The following SKIC2 variants were observed in gnomAD, a reference collection of about 807,000 sequenced individuals.
The protein encoded by SKIC2 is SKI2 subunit of superkiller complex, also known as superkiller complex protein 2.
At chr6:31,968,265 T>C in the SKIC2 span, 1 of 1,498,276 alleles carries the variant, frequency 6.7e-7, no homozygotes, top group Non-Finnish European at 9.2e-7. This position sits in a 1 kb window ranked among gnomAD's most constrained non-coding sequence, Gnocchi z 6.1. Flanking sequence ...TTCCACAGCC[T>C]GAGGGAGGCT....
chr6:31,962,087 C>T, the SKIC2 span: 1 of 1,608,250 alleles, frequency 6.2e-7, no homozygotes, highest in African/African-American at 1.3e-5. The surrounding 1 kb of genome is among the most constrained non-coding windows in gnomAD (Gnocchi z 5.0). Context: ...CCCCCTTCAC[C>T]AGCCAGCCCC....
At chr6:31,965,615 G>A in the SKIC2 span, among the ~76,000 whole-genome samples, 1 of 152,006 alleles carries the variant, frequency 6.6e-6, no homozygotes, top group African/African-American at 2.4e-5. The surrounding 1 kb of genome is among the most constrained non-coding windows in gnomAD (Gnocchi z 5.6). Flanking sequence ...GTAAAATGAG[G>A]AAAACAATAA....
At chr6:31,964,062 G>T in the SKIC2 span, 1 of 1,612,646 alleles carries the variant, frequency 6.2e-7, no homozygotes, top group Non-Finnish European at 8.5e-7. This position sits in a 1 kb window ranked among gnomAD's most constrained non-coding sequence, Gnocchi z 5.0. Flanking sequence ...AGAAGAGCGA[G>T]ATCCACCTCT....
chr6:31,961,319 CTG>C, the SKIC2 span: 1 of 1,593,688 alleles, frequency 6.3e-7, no homozygotes, highest in Non-Finnish European at 8.5e-7. Flanking sequence ...AGAGGGGACA[CTG>C]TTTCAGCCTC....
the SKIC2 span, chr6:31,963,046 T>C: frequency 6.2e-7 from 1 of 1,612,950 alleles, no homozygotes; most frequent in Non-Finnish European, 8.5e-7. This position sits in a 1 kb window ranked among gnomAD's most constrained non-coding sequence, Gnocchi z 5.3. Context: ...ATCATCCTTC[T>C]GAGTGCCACC....
the SKIC2 span, chr6:31,961,033 T>G: frequency 6.2e-7 from 1 of 1,602,988 alleles, no homozygotes; most frequent in Admixed American, 1.7e-5. Flanking sequence ...CATGTCCCTA[T>G]CCTACAGATC....
At chr6:31,959,459 C>A in the SKIC2 span, 3 of 1,154,292 alleles carry the variant, frequency 2.6e-6, no homozygotes, top group Non-Finnish European at 3.9e-6. Context: ...CCTTCACCCT[C>A]CTCACAGTAG....
the SKIC2 span, chr6:31,968,608 C>T: frequency 6.5e-6 from 10 of 1,547,020 alleles, no homozygotes; most frequent in South Asian, 1.0e-4. This position sits in a 1 kb window ranked among gnomAD's most constrained non-coding sequence, Gnocchi z 6.1. Flanking sequence ...TGTAGACTGA[C>T]CGCCCCCATC....
the SKIC2 span, chr6:31,967,651 T>C: frequency 6.4e-7 from 1 of 1,573,704 alleles, no homozygotes. The surrounding 1 kb of genome is among the most constrained non-coding windows in gnomAD (Gnocchi z 4.9). Context: ...GGTGGGTATC[T>C]GGTCTCTGCC....
chr6:31,967,118 A>G, the SKIC2 span: 1 of 1,611,872 alleles, frequency 6.2e-7, no homozygotes, highest in Non-Finnish European at 8.5e-7. The surrounding 1 kb of genome is among the most constrained non-coding windows in gnomAD (Gnocchi z 4.9). Flanking sequence ...GGAGGAACTG[A>G]CAGAGACCCA....
chr6:31,967,206 T>G, the SKIC2 span: 3 of 1,608,660 alleles, frequency 1.9e-6, no homozygotes, highest in South Asian at 3.3e-5. The surrounding 1 kb of genome is among the most constrained non-coding windows in gnomAD (Gnocchi z 4.9). Flanking sequence ...TTACTCTAGG[T>G]GCTACTAAAC....
the SKIC2 span, among the ~76,000 whole-genome samples, chr6:31,964,509 A>G: frequency 6.6e-6 from 1 of 152,228 alleles, no homozygotes; most frequent in Non-Finnish European, 1.5e-5. This position sits in a 1 kb window ranked among gnomAD's most constrained non-coding sequence, Gnocchi z 5.0. Context: ...ATGTATTCAC[A>G]GTATCATCCT....
chr6:31,962,141 T>C, the SKIC2 span: 1 of 1,364,712 alleles, frequency 7.3e-7, no homozygotes, highest in Middle Eastern at 2.0e-4. This position sits in a 1 kb window ranked among gnomAD's most constrained non-coding sequence, Gnocchi z 5.0. Flanking sequence ...TTCCCCCACC[T>C]CTCTAGCTCA....
chr6:31,963,069 C>T, the SKIC2 span: 1 of 1,612,258 alleles, frequency 6.2e-7, no homozygotes, highest in Non-Finnish European at 8.5e-7. The surrounding 1 kb of genome is among the most constrained non-coding windows in gnomAD (Gnocchi z 5.3). Flanking sequence ...CCCCAACGCC[C>T]TTGAGTTTGC....
At chr6:31,969,327 G>T in the SKIC2 span, 1 of 1,614,248 alleles carries the variant, frequency 6.2e-7, no homozygotes, top group Non-Finnish European at 8.5e-7. This position sits in a 1 kb window ranked among gnomAD's most constrained non-coding sequence, Gnocchi z 6.1. Flanking sequence ...GTGAGGTCCA[G>T]GTGGCTTGTG....
At chr6:31,966,654 C>A in the SKIC2 span, 1 of 1,602,114 alleles carries the variant, frequency 6.2e-7, no homozygotes, top group Non-Finnish European at 8.5e-7. This position sits in a 1 kb window ranked among gnomAD's most constrained non-coding sequence, Gnocchi z 5.9. Flanking sequence ...AGAAGACTGG[C>A]TGGGGTTCAG....
chr6:31,967,329 G>A, the SKIC2 span: 2 of 1,612,920 alleles, frequency 1.2e-6, no homozygotes, highest in African/African-American at 1.3e-5. This position sits in a 1 kb window ranked among gnomAD's most constrained non-coding sequence, Gnocchi z 4.9. Context: ...GAAGGGTGGT[G>A]GTTGTGAAGA....
At chr6:31,959,455 C>T in the SKIC2 span, 3 of 1,195,272 alleles carry the variant, frequency 2.5e-6, no homozygotes, top group East Asian at 4.7e-5. Context: ...ACCTCCTTCA[C>T]CCTCCTCACA....
the SKIC2 span, chr6:31,959,301 A>AC: frequency 6.2e-7 from 1 of 1,612,474 alleles, no homozygotes; most frequent in Non-Finnish European, 8.5e-7. Flanking sequence ...CCGTAGTGCT[A>AC]CCCCCTCCAG....
Sources: allele counts gnomAD v4.1 joint callset (sites outside exome capture counted in the v4.1 genomes callset), GRCh38; gene constraint gnomAD v4.1.1; non-coding constraint Gnocchi (gnomAD v3.1); transcripts MANE v1.5; gene names NCBI Gene and HGNC (gene_info 2026-07-23, HGNC 2026-07-21).